Variants in DNAAF11 observed in about 807,000 individuals in gnomAD.
The protein encoded by DNAAF11 is dynein axonemal assembly factor 11, also known as leucine rich repeat containing 6.
DNAAF11 carries 45 observed loss-of-function variants against 60.8 expected under a neutral mutation model. That is an observed-to-expected ratio of 0.74 (90% CI 0.58 to 0.95). DNAAF11 has a LOEUF of 0.95. DNAAF11 is among the 40% of genes least tolerant of loss of function. DNAAF11 has a pLI of 0.00. For synonymous variants in DNAAF11, 191 were observed against 183.5 expected (o/e 1.04, Z -0.33); for missense variants, 546 against 546.2 (o/e 1.00, Z 0.00).
At chr8:132,597,514 C>CA (rs1415199300) in intron 10 of DNAAF11, among the ~76,000 whole-genome samples, 1 of 152,160 alleles carries the variant, frequency 6.6e-6, no homozygotes, top group South Asian at 2.1e-4. Flanking sequence ...TTTATTTTGA[C>CA]AAGAATGTAT....
intron 1 of DNAAF11, among the ~76,000 whole-genome samples, chr8:132,665,603 G>A (rs555250230): frequency 7.9e-5 from 12 of 152,128 alleles, no homozygotes; most frequent in African/African-American, 2.7e-4. Context: ...AATAATAGAC[G>A]TTGGCAAGGA....
intron 10 of DNAAF11, among the ~76,000 whole-genome samples, chr8:132,587,436 T>C (rs530890629): frequency 2.6e-5 from 4 of 152,246 alleles, no homozygotes; most frequent in Middle Eastern, 3.4e-3. Context: ...CCAACATTCA[T>C]ATTAATAGTA....
At chr8:132,696,512 A>C in the DNAAF11 span, among the ~76,000 whole-genome samples, 12 of 152,324 alleles carry the variant, frequency 7.9e-5, no homozygotes, top group African/African-American at 2.9e-4. Context: ...AACAGCCAAA[A>C]TGTCCATCAA....
chr8:132,645,526 G>A (rs188854136), intron 3 of DNAAF11, among the ~76,000 whole-genome samples: 9 of 151,794 alleles, frequency 5.9e-5, no homozygotes, highest in South Asian at 2.1e-4. Context: ...TCAGATGATC[G>A]GTAATAACAA....
In DNAAF11 at chr8:132,625,253, C is replaced by T. The variant is rs758204981; in HGVS notation, c.836+19G>A. 2 of 1,572,032 alleles carry T rather than the reference C, an allele frequency of 1.3e-6. No individual in the cohort carries two copies. The highest frequency in any genetic ancestry group is 1.7e-6 in the Non-Finnish European group (2 of 1,157,176). ...GATAAGTGGCTACTGCTTCCCTCTC[C>T]TAGGAAAGAATGAAATACCTTAATT... On this transcript the variant is annotated intron_variant, in intron 6 of 11. Coordinates refer to ENST00000620350, the MANE Select transcript of DNAAF11 (RefSeq NM_012472.6).
rs118170321 is a variant in DNAAF11 at position 132,672,733 on chromosome 8, T to C, written c.10+2751A>G. 1.0e-3 allele frequency among the ~76,000 whole-genome samples: 159 copies of C among 152,350 alleles called. 1 individual carries two copies. The East Asian group carries it at 0.025, about 24-fold the overall frequency. On this transcript the variant is annotated intron_variant, in intron 1 of 11. Coordinates refer to ENST00000620350, the MANE Select transcript of DNAAF11 (RefSeq NM_012472.6). ...TCAATAACTGTGAGTGAGCTATTATTATCATCCTTTCTCAGGAGCCCAAAT... is the reference window on the plus strand; with the variant it reads ...TCAATAACTGTGAGTGAGCTATTATCATCATCCTTTCTCAGGAGCCCAAAT...
Position 132,596,752 on chromosome 8 carries a change from A to G in DNAAF11, c.1141-12973T>C, listed in dbSNP as rs143790077. ...TCACTGCCTAGGAGAAAGCTTCAAT[A>G]TCAGGAACACTGGAATAAAACAAAG... On this transcript the variant is annotated intron_variant, in intron 10 of 11. Coordinates refer to ENST00000620350, the MANE Select transcript of DNAAF11 (RefSeq NM_012472.6). 3.2e-4 allele frequency among the ~76,000 whole-genome samples: 49 copies of G among 152,260 alleles called. No homozygotes were observed. The East Asian group carries it at 8.7e-3, about 27-fold the overall frequency.
chr8:132,606,252 G>A (rs1308574358), intron 10 of DNAAF11, among the ~76,000 whole-genome samples: 1 of 152,022 alleles, frequency 6.6e-6, no homozygotes, highest in Admixed American at 6.6e-5. Flanking sequence ...TATGTTACTG[G>A]TTTATATGTT....
At chr8:132,643,717 A>G (rs570824474) in intron 3 of DNAAF11, 77 of 456,268 alleles carry the variant, frequency 1.7e-4, no homozygotes, top group African/African-American at 1.3e-3. Flanking sequence ...AACAGCAGAT[A>G]AGCATGATGT....
the DNAAF11 span, chr8:132,687,629 C>T: frequency 2.2e-6 from 1 of 456,222 alleles, no homozygotes; most frequent in East Asian, 7.0e-5. Flanking sequence ...TTAATCCTCA[C>T]CCATCGTGTG....
chr8:132,658,427 A>C (rs963778109), intron 2 of DNAAF11, among the ~76,000 whole-genome samples: 2 of 152,248 alleles, frequency 1.3e-5, no homozygotes, highest in African/African-American at 4.8e-5. Flanking sequence ...GGTTCACACC[A>C]TTCTCCTGCC....
chr8:132,629,987 CAGA>C (rs577091972), intron 5 of DNAAF11, among the ~76,000 whole-genome samples: 1 of 152,122 alleles, frequency 6.6e-6, no homozygotes, highest in Non-Finnish European at 1.5e-5. Flanking sequence ...TTGAAGGACT[CAGA>C]AGAAGATCTA....
At chr8:132,647,441 G>A (rs112855581) in intron 3 of DNAAF11, among the ~76,000 whole-genome samples, 3,856 of 152,020 alleles carry the variant, frequency 0.025, 160 homozygotes, top group African/African-American at 0.079. Context: ...ACACCCTAAC[G>A]TCACAATTAA....
At position 132,602,370 on chromosome 8, in the gene DNAAF11, A is replaced by G. The variant is rs370267246; in HGVS notation, c.1140+7796T>C. On this transcript the variant is annotated intron_variant, in intron 10 of 11. Coordinates refer to ENST00000620350, the MANE Select transcript of DNAAF11 (RefSeq NM_012472.6). ...AAATGTCCCAGTTCCATCACCCCTTATGTAGGGTTGTGCTGAGGTATGTGT... is the reference window on the plus strand; with the variant it reads ...AAATGTCCCAGTTCCATCACCCCTTGTGTAGGGTTGTGCTGAGGTATGTGT... 7.9e-5 allele frequency among the ~76,000 whole-genome samples: 12 copies of G among 152,200 alleles called. No homozygotes were observed. In the South Asian group the frequency reaches 2.3e-3, roughly 29 times the overall value.
intron 2 of DNAAF11, among the ~76,000 whole-genome samples, chr8:132,659,016 C>T (rs1317797942): frequency 6.6e-6 from 1 of 152,172 alleles, no homozygotes; most frequent in Non-Finnish European, 1.5e-5. Flanking sequence ...TCTGCCTTCT[C>T]GGATTTAAGC....
chr8:132,643,104 G>A (rs1447399057), intron 3 of DNAAF11, among the ~76,000 whole-genome samples: 5 of 152,204 alleles, frequency 3.3e-5, no homozygotes, highest in Non-Finnish European at 5.9e-5. Flanking sequence ...TTGGACAGGA[G>A]GCGGAGCTCA....
intron 10 of DNAAF11, among the ~76,000 whole-genome samples, chr8:132,584,218 C>A (rs1410070471): frequency 6.6e-6 from 1 of 152,102 alleles, no homozygotes; most frequent in Non-Finnish European, 1.5e-5. Context: ...TCTTCCTCTG[C>A]AAAATGAAGG....
At chr8:132,663,074 G>T (rs1824288622) in intron 1 of DNAAF11, among the ~76,000 whole-genome samples, 1 of 152,164 alleles carries the variant, frequency 6.6e-6, no homozygotes, top group African/African-American at 2.4e-5. Context: ...AGTCCTTGCT[G>T]CTCTAAGCTT....
chr8:132,611,940 T>A (rs1296347750), intron 8 of DNAAF11, among the ~76,000 whole-genome samples: 2 of 152,172 alleles, frequency 1.3e-5, no homozygotes, highest in African/African-American at 4.8e-5. Context: ...AGATTTAGAT[T>A]TCATATCACT....
Sources: allele counts gnomAD v4.1 joint callset (sites outside exome capture counted in the v4.1 genomes callset), GRCh38; gene constraint gnomAD v4.1.1; transcripts MANE v1.5; gene names NCBI Gene and HGNC (gene_info 2026-07-23, HGNC 2026-07-21).